Variants in C19orf47 observed in about 807,000 individuals in gnomAD.
The protein encoded by C19orf47 is uncharacterized protein C19orf47.
In C19orf47, 18 loss-of-function variants were observed where a neutral mutation model predicts 32.3. The ratio of observed to expected loss-of-function variants is 0.56; its 90% CI spans 0.39 to 0.83. The LOEUF (loss-of-function observed/expected upper bound fraction) is 0.83. Among genes scored for constraint, C19orf47 ranks in the 40% least tolerant of loss-of-function variants. The pLI, the probability that C19orf47 is intolerant of heterozygous loss-of-function variation, is 0.00. For synonymous variants in C19orf47, 202 were observed against 211.1 expected, an observed-to-expected ratio of 0.96 and a Z score of 0.37; for missense variants, 484 against 531.6, an observed-to-expected ratio of 0.91 and a Z score of 0.88.
chr19:40,307,933 G>A, the C19orf47 span, among the ~76,000 whole-genome samples: 1 of 151,852 alleles, frequency 6.6e-6, no homozygotes, highest in Admixed American at 6.6e-5. Flanking sequence ...AAGTAGCTGG[G>A]ATTACAGTCA....
Position 40,326,422 on chromosome 19 carries a change from A to C in C19orf47, c.504T>G (p.Ala168=), listed in dbSNP as rs1440034867. The C allele has an allele frequency of 6.2e-7, 1 of 1,614,128 alleles. No homozygotes were observed. The change falls in exon 7 of 9, where the codon GCT becomes GCG. Residue 168 remains alanine, a synonymous_variant. Coordinates refer to ENST00000683109, the MANE Select transcript of C19orf47 (RefSeq NM_001256441.2). Reference sequence around the variant, plus strand: ...TGATGACGTACTTCCCCTCCATCTCAGCAGTGACCCGGCGCCGCTTGGCAG... The same window carrying C: ...TGATGACGTACTTCCCCTCCATCTCCGCAGTGACCCGGCGCCGCTTGGCAG... ...AVPAKRRRVT[A]EMEGKYVINM...
intron 1 of C19orf47, among the ~76,000 whole-genome samples, chr19:40,347,504 C>T (rs1417541789): frequency 6.6e-6 from 1 of 151,868 alleles, no homozygotes; most frequent in Non-Finnish European, 1.5e-5. Flanking sequence ...TGCACTCCAG[C>T]CTGGGCAACA....
intron 4 of C19orf47, among the ~76,000 whole-genome samples, chr19:40,335,672 C>T (rs919703881): frequency 1.3e-5 from 2 of 150,456 alleles, no homozygotes; most frequent in African/African-American, 2.5e-5. Context: ...TGCAGTGGTG[C>T]GATCTCGGCT....
At chr19:40,324,109 C>A in intron 7 of C19orf47, 33 bp from the exon 8 acceptor site, 2 of 1,611,290 alleles carry the variant, frequency 1.2e-6, no homozygotes, top group East Asian at 2.2e-5. Context: ...AGGGAGAGGC[C>A]CCGGTGGGCC....
intron 8 of C19orf47, among the ~76,000 whole-genome samples, chr19:40,323,643 G>A (rs62107602): frequency 0.041 from 6,193 of 152,274 alleles, 182 homozygotes; most frequent in Non-Finnish European, 0.061. Flanking sequence ...AGGGAGAGGT[G>A]GCAGAGGAGG....
chr19:40,321,708 C>G lies in C19orf47; in HGVS notation c.*174G>C. ...AGGCCAGGCCAGCTGCGACGACCAT[C>G]CCAGGCTAGGAGAAATGGGGTGATC... On this transcript the variant is annotated 3_prime_UTR_variant, in exon 9 of 9. Coordinates refer to ENST00000683109, the MANE Select transcript of C19orf47 (RefSeq NM_001256441.2). 1 of 1,423,864 alleles carries G rather than the reference C, an allele frequency of 7.0e-7. No individual in the cohort carries two copies. Among genetic ancestry groups the G allele is most frequent in the South Asian group, 1.6e-5 (1 of 63,950 alleles). The allele number at this position is 1,423,864 out of a possible 1,614,324, so 88.2% of individuals were successfully genotyped here.
In C19orf47 at chr19:40,321,717, G is replaced by A; in HGVS notation, c.*165C>T. On this transcript the variant is annotated 3_prime_UTR_variant, in exon 9 of 9. Coordinates refer to ENST00000683109, the MANE Select transcript of C19orf47 (RefSeq NM_001256441.2). ...CAGCTGCGACGACCATCCCAGGCTA[G>A]GAGAAATGGGGTGATCCCCCGAATG... is the stretch of plus-strand genomic sequence containing the variant. 1 of 1,426,316 alleles carries A rather than the reference G, an allele frequency of 7.0e-7. No homozygotes were observed. The highest frequency in any genetic ancestry group is 9.1e-7 in the Non-Finnish European group (1 of 1,095,742). The allele number at this position is 1,426,316 out of a possible 1,614,324, so 88.4% of individuals were successfully genotyped here.
At chr19:40,328,661 G>A (rs905235173) in intron 5 of C19orf47, 111 bp from the exon 6 acceptor site, 3 of 1,385,172 alleles carry the variant, frequency 2.2e-6, no homozygotes, top group African/African-American at 2.9e-5. Context: ...GAATGAGAAG[G>A]TCAGCGGGTA....
intron 5 of C19orf47, among the ~76,000 whole-genome samples, chr19:40,331,506 C>T (rs1454666329): frequency 1.3e-5 from 2 of 152,192 alleles, no homozygotes; most frequent in East Asian, 3.8e-4. Flanking sequence ...GACATGGTGG[C>T]TTGTGCTTGT....
the C19orf47 span, chr19:40,299,456 CTTTT>C: frequency 6.6e-6 from 1 of 151,990 alleles, no homozygotes; most frequent in Non-Finnish European, 1.5e-5. Flanking sequence ...CAAATTTTTC[CTTTT>C]TTCTTTTCTT....
the C19orf47 span, among the ~76,000 whole-genome samples, chr19:40,294,272 C>T: frequency 6.6e-6 from 1 of 152,172 alleles, no homozygotes; most frequent in African/African-American, 2.4e-5. Flanking sequence ...GATTTCCTAC[C>T]ACATTAGCCC....
At chr19:40,294,615 A>C in the C19orf47 span, among the ~76,000 whole-genome samples, 2 of 152,182 alleles carry the variant, frequency 1.3e-5, no homozygotes, top group African/African-American at 2.4e-5. Flanking sequence ...GTTCAGACTA[A>C]TTTTGCTGTG....
chr19:40,330,227 CTTTT>C (rs1046231188), intron 5 of C19orf47, among the ~76,000 whole-genome samples: 2 of 151,418 alleles, frequency 1.3e-5, no homozygotes, highest in Non-Finnish European at 2.9e-5. Context: ...CTTTCCCTTT[CTTTT>C]TTTTCTTTTT....
At chr19:40,333,957 C>A in intron 4 of C19orf47, 28 bp from the exon 5 acceptor site, 1 of 1,528,598 alleles carries the variant, frequency 6.5e-7, no homozygotes, top group East Asian at 2.4e-5. Context: ...GCACCTGGGT[C>A]ACCACAGAAG....
the C19orf47 span, among the ~76,000 whole-genome samples, chr19:40,309,036 T>G: frequency 1.3e-5 from 2 of 152,166 alleles, no homozygotes; most frequent in Non-Finnish European, 2.9e-5. Flanking sequence ...CACTCCAGCC[T>G]AGGCAGCACA....
rs1485808738 is a variant in C19orf47 at position 40,339,838 on chromosome 19, G to C, written c.19+2001C>G. 2.0e-5 allele frequency among the ~76,000 whole-genome samples: 3 copies of C among 151,986 alleles called. No individual in the cohort carries two copies. In the South Asian group the frequency reaches 6.2e-4, roughly 32 times the overall value. On this transcript the variant is annotated intron_variant, in intron 2 of 8. Coordinates refer to ENST00000683109, the MANE Select transcript of C19orf47 (RefSeq NM_001256441.2). ...AATACAAAATTAGCCAGGCATGGTG[G>C]TGCATGCCTGTAATCCCAGCTACTC... is the stretch of plus-strand genomic sequence containing the variant.
chr19:40,337,311 T>TTATTATTAC (rs1434732715), intron 2 of C19orf47, among the ~76,000 whole-genome samples: 6 of 149,146 alleles, frequency 4.0e-5, no homozygotes, highest in African/African-American at 1.5e-4. Flanking sequence ...ATTATTATTA[T>TTATTATTAC]TATTATTATT....
intron 1 of C19orf47, 67 bp downstream of exon 1, chr19:40,348,257 G>A: frequency 8.8e-7 from 1 of 1,131,714 alleles, no homozygotes; most frequent in Non-Finnish European, 1.2e-6. Flanking sequence ...ACTGAGTCCA[G>A]ACACCCGGAC....
intron 5 of C19orf47, chr19:40,332,665 G>T (rs1328048652): frequency 1.3e-5 from 2 of 151,032 alleles, no homozygotes; most frequent in African/African-American, 4.9e-5. Flanking sequence ...AAAAGAAAAA[G>T]AAAAAATATA....
Sources: allele counts gnomAD v4.1 joint callset (sites outside exome capture counted in the v4.1 genomes callset), GRCh38; gene constraint gnomAD v4.1.1; transcripts MANE v1.5; gene names NCBI Gene and HGNC (gene_info 2026-07-23, HGNC 2026-07-21).